The following TAGLN3 variants were observed in gnomAD, a reference collection of about 807,000 sequenced individuals.
TAGLN3 encodes transgelin 3.
Under a neutral mutation model 25.4 loss-of-function variants are expected in TAGLN3, and 12 were observed. The ratio of observed to expected loss-of-function variants is 0.47; its 90% CI spans 0.30 to 0.77. The LOEUF is 0.77. TAGLN3 is among the 30% of genes least tolerant of loss of function. The pLI is 0.06. For synonymous variants in TAGLN3, 96 were observed against 94.8 expected (o/e 1.01, Z -0.08); for missense variants, 218 against 255.8 (o/e 0.85, Z 1.01).
chr3:112,000,701 G>T, intron 2 of TAGLN3, 71 bp from the exon 3 acceptor site: 1 of 1,519,528 alleles, frequency 6.6e-7, no homozygotes, highest in Non-Finnish European at 9.0e-7. Context: ...ACGTGAGCAG[G>T]ATTCACTTCT....
chr3:112,002,311 A>G (rs1007242184), intron 3 of TAGLN3, among the ~76,000 whole-genome samples: 4 of 152,220 alleles, frequency 2.6e-5, no homozygotes, highest in Non-Finnish European at 5.9e-5. Flanking sequence ...CAATCCTATG[A>G]GGTAAATGTT....
chr3:112,012,874 C>G (rs1282163706), intron 4 of TAGLN3, among the ~76,000 whole-genome samples: 1 of 152,004 alleles, frequency 6.6e-6, no homozygotes, highest in Non-Finnish European at 1.5e-5. Flanking sequence ...TTCATCTTGG[C>G]CCTATACAGG....
chr3:112,009,135 G>T (rs1014666437), intron 3 of TAGLN3, among the ~76,000 whole-genome samples: 4 of 152,108 alleles, frequency 2.6e-5, no homozygotes, highest in African/African-American at 9.7e-5. Flanking sequence ...ATTCATGAGG[G>T]ATCTGCCCTC....
intron 3 of TAGLN3, 100 bp downstream of exon 3, chr3:112,001,046 T>G: frequency 9.3e-7 from 1 of 1,071,116 alleles, no homozygotes; most frequent in Non-Finnish European, 1.4e-6. Context: ...TGCCGATTGA[T>G]GTGTGTAAGA....
intron 4 of TAGLN3, among the ~76,000 whole-genome samples, chr3:112,012,135 G>C (rs984133988): frequency 2.6e-5 from 4 of 152,106 alleles, no homozygotes; most frequent in African/African-American, 9.7e-5. Flanking sequence ...AGGACTGGAT[G>C]GCCTTTCTTG....
At chr3:112,001,748 C>G (rs571599566) in intron 3 of TAGLN3, among the ~76,000 whole-genome samples, 4 of 152,334 alleles carry the variant, frequency 2.6e-5, no homozygotes, top group African/African-American at 7.2e-5. Flanking sequence ...CTCACATGCT[C>G]TTTGTCACTG....
chr3:112,006,816 A>G (rs931980822), intron 3 of TAGLN3, among the ~76,000 whole-genome samples: 2 of 152,240 alleles, frequency 1.3e-5, no homozygotes, highest in Admixed American at 6.5e-5. Context: ...ATTTAATGGA[A>G]CAAAATCCTT....
In TAGLN3 at chr3:112,005,598, T is replaced by A. The variant is rs192355189; in HGVS notation, c.355+4652T>A. On this transcript the variant is annotated intron_variant, in intron 3 of 4. Coordinates refer to ENST00000478951, the MANE Select transcript of TAGLN3 (RefSeq NM_001008272.2). ...CTCAACAGCAAGAGTGAAGAGGTAT[T>A]TCACACAGCATGAGAGATCTTTTGG... Among the ~76,000 whole-genome samples the A allele has an allele frequency of 1.0e-3, 157 of 152,290 alleles. 1 individual carries two copies. The highest frequency in any genetic ancestry group is 2.5e-4 in the Non-Finnish European group (17 of 68,028).
intron 4 of TAGLN3, among the ~76,000 whole-genome samples, chr3:112,012,149 G>A (rs1300095139): frequency 6.6e-6 from 1 of 152,100 alleles, no homozygotes; most frequent in Non-Finnish European, 1.5e-5. Flanking sequence ...TTTCTTGAAG[G>A]TGGCTTCATG....
At chr3:112,005,522 C>G (rs1016217822) in intron 3 of TAGLN3, among the ~76,000 whole-genome samples, 2 of 151,894 alleles carry the variant, frequency 1.3e-5, no homozygotes, top group South Asian at 2.1e-4. Context: ...ATTGGAAGGG[C>G]CTGGAGGTTC....
Position 112,000,903 on chromosome 3 carries a change from T to C in TAGLN3, c.312T>C (p.Gly104=), listed in dbSNP as rs1302199781. The change falls in exon 3 of 5, where the codon GGT becomes GGC. Residue 104 remains glycine (G), a synonymous_variant. Transcript: ENST00000478951. ...SQFLKAAETY[G]VRTTDIFQTV... Reference sequence around the variant, plus strand: ...TCCTAAAAGCTGCGGAGACCTATGGTGTCAGAACCACCGACATCTTTCAGA... The same window carrying C: ...TCCTAAAAGCTGCGGAGACCTATGGCGTCAGAACCACCGACATCTTTCAGA... 4 of 1,614,146 alleles carry C rather than the reference T, an allele frequency of 2.5e-6. No individual in the cohort carries two copies. The highest frequency in any genetic ancestry group is 3.4e-6 in the Non-Finnish European group (4 of 1,180,012).
At chr3:112,001,073 C>A (rs1449455922) in intron 3 of TAGLN3, 127 bp downstream of exon 3, 29 of 824,598 alleles carry the variant, frequency 3.5e-5, no homozygotes, top group Non-Finnish European at 5.3e-5. Flanking sequence ...CAGCTGTTAT[C>A]CTGGGGGCAG....
rs376837272 is a variant in TAGLN3, at chr3:112,000,342, TA to T, written c.181-428del. 9.2e-4 allele frequency among the ~76,000 whole-genome samples: 140 copies of T among 152,308 alleles called. 1 individual carries two copies. The highest frequency in any genetic ancestry group is 3.2e-3 in the African/African-American group (131 of 41,570). On this transcript the variant is annotated intron_variant, in intron 2 of 4. Coordinates refer to ENST00000478951, the MANE Select transcript of TAGLN3 (RefSeq NM_001008272.2). ...TGGGATGAGTAAATTGAAGCCTGCT[TA>T]ATTTGCCTTTTGATAGAAGAAATAA... is the stretch of plus-strand genomic sequence containing the variant.
At chr3:112,006,917 TA>T (rs2072925330) in intron 3 of TAGLN3, among the ~76,000 whole-genome samples, 1 of 152,178 alleles carries the variant, frequency 6.6e-6, no homozygotes, top group East Asian at 1.9e-4. Context: ...TATAACTTAG[TA>T]ATATGGGGTG....
chr3:112,010,779 T>A, intron 3 of TAGLN3, among the ~76,000 whole-genome samples: 1 of 152,188 alleles, frequency 6.6e-6, no homozygotes, highest in East Asian at 1.9e-4. Flanking sequence ...TTTCTGTCTC[T>A]CCTCTTCGAA....
intron 3 of TAGLN3, among the ~76,000 whole-genome samples, chr3:112,010,533 TAAC>T (rs143131114): frequency 0.05 from 7,599 of 152,322 alleles, 251 homozygotes; most frequent in Middle Eastern, 0.12. Context: ...AGAGTCATTC[TAAC>T]AACAACTTCT....
At position 112,013,602 on chromosome 3, in the gene TAGLN3, C is replaced by G. The variant is rs769774763; in HGVS notation, c.*51C>G. The G allele has an allele frequency of 6.2e-7, 1 of 1,612,698 alleles. No homozygotes were observed. Among genetic ancestry groups the G allele is most frequent in the South Asian group, 1.1e-5 (1 of 90,950 alleles). ...GAGGACGAATGTTCCACACCATGGTCTCTACGAAAAAGAAATAGTTAGTCA... is the reference window on the plus strand; with the variant it reads ...GAGGACGAATGTTCCACACCATGGTGTCTACGAAAAAGAAATAGTTAGTCA... On this transcript the variant is annotated 3_prime_UTR_variant, in exon 5 of 5. Transcript: ENST00000478951.
intron 3 of TAGLN3, among the ~76,000 whole-genome samples, chr3:112,003,032 A>G (rs1032797159): frequency 3.9e-5 from 6 of 152,126 alleles, no homozygotes; most frequent in Admixed American, 6.5e-5. Flanking sequence ...GGGTAGAAAA[A>G]TGGGGCTTTA....
At chr3:112,003,124 G>A (rs2072879236) in intron 3 of TAGLN3, among the ~76,000 whole-genome samples, 1 of 152,212 alleles carries the variant, frequency 6.6e-6, no homozygotes, top group Non-Finnish European at 1.5e-5. Flanking sequence ...TCATGCAGTA[G>A]GTAGGGTTGA....
Sources: gnomAD v4.1 joint callset for allele counts (sites outside exome capture counted in the v4.1 genomes callset) on GRCh38, gnomAD v4.1.1 for gene constraint, MANE v1.5 for transcripts, NCBI Gene and HGNC (gene_info 2026-07-23, HGNC 2026-07-21) for gene names.